SGCZ: variants seen among roughly 807,000 people sequenced by gnomAD.
SGCZ encodes the protein zeta-sarcoglycan.
Under a neutral mutation model 41.3 loss-of-function variants are expected in SGCZ, and 40 were observed. That is an observed-to-expected ratio of 0.97 (90% CI 0.75 to 1.26). The LOEUF (loss-of-function observed/expected upper bound fraction) is 1.26. Ranked by LOEUF, SGCZ falls within the 50% of genes most tolerant of loss-of-function variation. SGCZ has a pLI of 0.00. For missense variants in SGCZ, 552 were observed against 369.8 expected (o/e 1.49, Z -4.04); for synonymous variants, 206 against 137.5 (o/e 1.50, Z -3.49).
intron 2 of SGCZ, among the ~76,000 whole-genome samples, chr8:14,342,342 A>T (rs1447771782): frequency 6.6e-6 from 1 of 152,102 alleles, no homozygotes; most frequent in Non-Finnish European, 1.5e-5. Context: ...TTTGAGGTGC[A>T]GTCTCACTCT....
intron 3 of SGCZ, among the ~76,000 whole-genome samples, chr8:14,272,209 A>G (rs962752188): frequency 3.4e-4 from 52 of 152,072 alleles, no homozygotes; most frequent in African/African-American, 1.0e-3. Context: ...TTACCATGTT[A>G]CCCAGGCTGG....
Position 14,995,097 on chromosome 8 carries a change from T to C in SGCZ, c.39+242488A>G, listed in dbSNP as rs913054256. Among the ~76,000 whole-genome samples the C allele has an allele frequency of 9.9e-5, 15 of 152,240 alleles. No individual in the cohort carries two copies. In the East Asian group the frequency reaches 2.1e-3, roughly 21 times the overall value. ...AGTCCAGGGAGGTCTCTAGGAGAAA[T>C]GCTTGCAGAAGTCAATAAAGGGAGT... On this transcript the variant is annotated intron_variant, in intron 1 of 7. Coordinates refer to ENST00000382080, the MANE Select transcript of SGCZ (RefSeq NM_139167.4).
chr8:14,954,694 C>T lies in SGCZ; in HGVS notation c.39+282891G>A, dbSNP rs551985157. 9.4e-4 allele frequency among the ~76,000 whole-genome samples: 143 copies of T among 152,210 alleles called. 1 individual carries two copies. The highest frequency in any genetic ancestry group is 1.6e-3 in the Non-Finnish European group (107 of 68,008). ...CTTTCGGTTCCACAATCTGTAGGAA[C>T]CGAATCTTCCTAAAACCTCAGACTG... On this transcript the variant is annotated intron_variant, in intron 1 of 7. Coordinates refer to ENST00000382080, the MANE Select transcript of SGCZ (RefSeq NM_139167.4).
In SGCZ at chr8:14,761,000, G is replaced by A. The variant is rs559999000; in HGVS notation, c.40-206074C>T. Among the ~76,000 whole-genome samples the A allele has an allele frequency of 2.9e-4, 44 of 152,174 alleles. 1 individual carries two copies. Among genetic ancestry groups the A allele is most frequent in the African/African-American group, 9.2e-4 (38 of 41,518 alleles). The stretch of plus-strand genomic sequence containing the variant: ...ATGTCAGATGTAGGTCAGAAGAAGC[G>A]GTGGTGGGGATTTCGAAGATAAGTT... On this transcript the variant is annotated intron_variant, in intron 1 of 7. Coordinates refer to ENST00000382080, the MANE Select transcript of SGCZ (RefSeq NM_139167.4).
At chr8:14,715,539 C>CACACAT (rs1370063511) in intron 1 of SGCZ, among the ~76,000 whole-genome samples, 152 of 134,064 alleles carry the variant, frequency 1.1e-3, no homozygotes, top group Non-Finnish European at 8.0e-4. Flanking sequence ...CTCCACCACA[C>CACACAT]ACACACACAC....
intron 2 of SGCZ, among the ~76,000 whole-genome samples, chr8:14,543,294 CAA>C (rs1803526030): frequency 1.3e-5 from 2 of 151,912 alleles, no homozygotes; most frequent in African/African-American, 2.4e-5. Context: ...GAAATTTGTT[CAA>C]ATATTCTTTC....
At chr8:14,143,508 T>G (rs1444923893) in intron 5 of SGCZ, among the ~76,000 whole-genome samples, 1 of 152,128 alleles carries the variant, frequency 6.6e-6, no homozygotes, top group Non-Finnish European at 1.5e-5. Context: ...TTAGAAATCA[T>G]TTACTTTTAT....
intron 1 of SGCZ, among the ~76,000 whole-genome samples, chr8:14,985,815 T>G (rs973865631): frequency 6.6e-5 from 10 of 152,204 alleles, no homozygotes; most frequent in Non-Finnish European, 1.5e-4. Context: ...TATTTAGTTT[T>G]TTAGGACTAG....
chr8:15,170,620 G>A (rs563138633), intron 1 of SGCZ, among the ~76,000 whole-genome samples: 169 of 152,330 alleles, frequency 1.1e-3, no homozygotes, highest in African/African-American at 3.0e-3. Flanking sequence ...GAATCCAGGT[G>A]ACTGGGTTTT....
intron 3 of SGCZ, chr8:14,309,348 G>A: frequency 6.2e-7 from 1 of 1,603,604 alleles, no homozygotes; most frequent in Non-Finnish European, 8.5e-7. Context: ...AACAAATGGG[G>A]AGGACGATGG....
In SGCZ at chr8:14,668,167, C is replaced by T. The variant is rs559411270; in HGVS notation, c.40-113241G>A. 2.6e-5 allele frequency among the ~76,000 whole-genome samples: 4 copies of T among 152,230 alleles called. No individual in the cohort carries two copies. The South Asian group carries it at 8.3e-4, about 32-fold the overall frequency. On this transcript the variant is annotated intron_variant, in intron 1 of 7. Coordinates refer to ENST00000382080, the MANE Select transcript of SGCZ (RefSeq NM_139167.4). Reference sequence around the variant, plus strand: ...AGAGACGGGGGATTCACCATGTTGGCCAGGCTAGTCTCAAACTCCTGACCT... The same window carrying T: ...AGAGACGGGGGATTCACCATGTTGGTCAGGCTAGTCTCAAACTCCTGACCT...
At chr8:14,823,694 A>G (rs1241018428) in intron 1 of SGCZ, among the ~76,000 whole-genome samples, 2 of 152,190 alleles carry the variant, frequency 1.3e-5, no homozygotes, top group Admixed American at 1.3e-4. Context: ...TTAAAAATAG[A>G]ACTACCATAT....
intron 2 of SGCZ, among the ~76,000 whole-genome samples, chr8:14,348,291 G>T (rs1230839830): frequency 6.6e-6 from 1 of 152,002 alleles, no homozygotes; most frequent in Admixed American, 6.6e-5. Context: ...TGGTTTCTTT[G>T]CAGCTTGAAT....
At chr8:14,741,250 G>A (rs1308568863) in intron 1 of SGCZ, among the ~76,000 whole-genome samples, 1 of 151,874 alleles carries the variant, frequency 6.6e-6, no homozygotes, top group African/African-American at 2.4e-5. Flanking sequence ...CTGTATTTTG[G>A]AGCAATAACC....
At chr8:14,862,581 T>TATAC (rs775585451) in intron 1 of SGCZ, among the ~76,000 whole-genome samples, 176 of 96,824 alleles carry the variant, frequency 1.8e-3, no homozygotes, top group Non-Finnish European at 2.1e-3. Flanking sequence ...TATATATATA[T>TATAC]ACACACACAA....
intron 5 of SGCZ, among the ~76,000 whole-genome samples, chr8:14,151,814 A>G (rs963869326): frequency 6.6e-6 from 1 of 152,160 alleles, no homozygotes; most frequent in African/African-American, 2.4e-5. Flanking sequence ...AATTTACCTA[A>G]CAGACTTTTG....
At chr8:14,206,884 A>G (rs1172855913) in intron 4 of SGCZ, among the ~76,000 whole-genome samples, 2 of 152,152 alleles carry the variant, frequency 1.3e-5, no homozygotes, top group African/African-American at 4.8e-5. Context: ...TCTTATACAC[A>G]TGAGAACACC....
intron 4 of SGCZ, among the ~76,000 whole-genome samples, chr8:14,226,227 G>T (rs934605220): frequency 6.6e-6 from 1 of 151,938 alleles, no homozygotes; most frequent in South Asian, 2.1e-4. Context: ...ATGTAAATTT[G>T]GGAAAAACTT....
intron 2 of SGCZ, among the ~76,000 whole-genome samples, chr8:14,508,012 C>G (rs148954328): frequency 7.9e-5 from 12 of 152,210 alleles, no homozygotes; most frequent in African/African-American, 2.9e-4. Flanking sequence ...ATCAGGTGAT[C>G]TGGCCGCCTC....
Sources: gnomAD v4.1 joint callset for allele counts (sites outside exome capture counted in the v4.1 genomes callset) on GRCh38, gnomAD v4.1.1 for gene constraint, MANE v1.5 for transcripts, NCBI Gene and HGNC (gene_info 2026-07-23, HGNC 2026-07-21) for gene names.